Variants in SLC24A2 observed in about 807,000 individuals in gnomAD.
The protein encoded by SLC24A2 is sodium/potassium/calcium exchanger 2.
Under a neutral mutation model 62.0 loss-of-function variants are expected in SLC24A2, and 36 were observed. The observed-to-expected ratio is 0.58, with a 90% CI of 0.44 to 0.77. The LOEUF (loss-of-function observed/expected upper bound fraction) is 0.77, where lower values mean the gene tolerates loss of function less well. Among genes scored for constraint, SLC24A2 ranks in the 30% least tolerant of loss-of-function variants. The probability of loss-of-function intolerance (pLI) is 0.00; values close to 1 mark genes in which losing one functional copy is unlikely to be tolerated. For missense variants in SLC24A2, 846 were observed against 817.9 expected (o/e 1.03, Z -0.42); for synonymous variants, 358 against 294.0 (o/e 1.22, Z -2.23).
At chr9:19,529,958 G>C (rs1833622497) in intron 8 of SLC24A2, among the ~76,000 whole-genome samples, 1 of 151,804 alleles carries the variant, frequency 6.6e-6, no homozygotes, top group African/African-American at 2.4e-5. Flanking sequence ...TCACCATGTT[G>C]GCCAGGCTGG....
the SLC24A2 span, among the ~76,000 whole-genome samples, chr9:19,832,612 A>G: frequency 6.6e-6 from 1 of 152,208 alleles, no homozygotes; most frequent in Admixed American, 6.5e-5. Flanking sequence ...AAAGACTTAA[A>G]TGTTACACCT....
chr9:19,534,733 C>A (rs1586908402), intron 8 of SLC24A2, among the ~76,000 whole-genome samples: 3 of 152,138 alleles, frequency 2.0e-5, no homozygotes, highest in Non-Finnish European at 4.4e-5. Flanking sequence ...GTATATGTGG[C>A]ACATTTTCTT....
chr9:19,679,128 C>T (rs539466499), intron 2 of SLC24A2, among the ~76,000 whole-genome samples: 7 of 152,174 alleles, frequency 4.6e-5, no homozygotes, highest in African/African-American at 9.6e-5. Flanking sequence ...CCCTGTTATC[C>T]GAGTTTGCAT....
the SLC24A2 span, among the ~76,000 whole-genome samples, chr9:20,261,422 G>A: frequency 6.6e-6 from 1 of 152,172 alleles, no homozygotes; most frequent in Non-Finnish European, 1.5e-5. Context: ...CAGCAAGCAT[G>A]TGTAAAAAGA....
chr9:20,071,387 T>C, the SLC24A2 span, among the ~76,000 whole-genome samples: 92,576 of 151,952 alleles, frequency 0.61, 28,939 homozygotes, highest in East Asian at 0.93. Context: ...AACAATGCCT[T>C]ACTCTTCTCT....
chr9:19,927,322 G>C, the SLC24A2 span: 27 of 152,318 alleles, frequency 1.8e-4, no homozygotes, highest in Admixed American at 7.2e-4. Context: ...CGCCTGCCTA[G>C]GTTTACATCC....
At chr9:19,747,904 C>T (rs190262406) in intron 2 of SLC24A2, among the ~76,000 whole-genome samples, 13 of 152,242 alleles carry the variant, frequency 8.5e-5, no homozygotes. Context: ...TATGAGGAAA[C>T]TGAGGCACAA....
intron 2 of SLC24A2, among the ~76,000 whole-genome samples, chr9:19,769,264 T>A (rs528392283): frequency 1.4e-4 from 22 of 152,312 alleles, no homozygotes; most frequent in Middle Eastern, 3.4e-3. Context: ...TCAGCAAATG[T>A]CGTTAGCTCT....
At chr9:19,522,502 TA>T (rs1278334025) in intron 9 of SLC24A2, among the ~76,000 whole-genome samples, 2 of 152,194 alleles carry the variant, frequency 1.3e-5, no homozygotes, top group Admixed American at 6.5e-5. Context: ...AAATCCTTTT[TA>T]AAAAAATTCT....
chr9:20,205,916 T>C, the SLC24A2 span, among the ~76,000 whole-genome samples: 1 of 152,168 alleles, frequency 6.6e-6, no homozygotes, highest in African/African-American at 2.4e-5. Flanking sequence ...TAATGAATTA[T>C]CTGATTTTTA....
At chr9:19,763,053 T>C (rs1050704757) in intron 2 of SLC24A2, among the ~76,000 whole-genome samples, 1 of 152,156 alleles carries the variant, frequency 6.6e-6, no homozygotes, top group African/African-American at 2.4e-5. Context: ...GTAAGTTGTA[T>C]TCCTAGGTAT....
At chr9:20,299,750 T>C in the SLC24A2 span, among the ~76,000 whole-genome samples, 2 of 152,174 alleles carry the variant, frequency 1.3e-5, no homozygotes, top group African/African-American at 2.4e-5. Flanking sequence ...CAATTCTAAT[T>C]TTGGAGACAA....
At chr9:19,809,757 T>G in the SLC24A2 span, among the ~76,000 whole-genome samples, 3 of 152,260 alleles carry the variant, frequency 2.0e-5, no homozygotes, top group Non-Finnish European at 2.9e-5. Flanking sequence ...CGAACCGATC[T>G]GTGAGCCCTA....
Position 19,521,071 on chromosome 9 carries a change from G to A in SLC24A2, c.1570-11C>T. On this transcript the variant is annotated splice_polypyrimidine_tract_variant and intron_variant, in intron 9 of 10. Transcript: ENST00000341998. ...AATTGTCTCTCCAACCTAAATGTCA[G>A]GACAGGAATAAACATCTCAGTGTTT... The A allele has an allele frequency of 6.2e-7, 1 of 1,613,430 alleles. No individual in the cohort carries two copies. The highest frequency in any genetic ancestry group is 2.2e-5 in the East Asian group (1 of 44,846).
At chr9:20,307,180 AG>A in the SLC24A2 span, among the ~76,000 whole-genome samples, 1 of 152,236 alleles carries the variant, frequency 6.6e-6, no homozygotes, top group Non-Finnish European at 1.5e-5. Context: ...AACCATAAAA[AG>A]GTACACACAA....
chr9:19,794,216 G>C, the SLC24A2 span, among the ~76,000 whole-genome samples: 2 of 152,106 alleles, frequency 1.3e-5, no homozygotes, highest in South Asian at 4.1e-4. Flanking sequence ...TTTTACATTA[G>C]GAACGGGAAT....
chr9:20,169,628 C>G, the SLC24A2 span, among the ~76,000 whole-genome samples: 3 of 152,014 alleles, frequency 2.0e-5, no homozygotes, highest in East Asian at 5.9e-4. Flanking sequence ...CCTAGGAAAA[C>G]AGGGAGAGTA....
intron 7 of SLC24A2, among the ~76,000 whole-genome samples, chr9:19,555,861 C>G (rs1276495106): frequency 6.6e-6 from 1 of 152,160 alleles, no homozygotes; most frequent in Admixed American, 6.5e-5. Context: ...AGGAGAATCA[C>G]TTGAACCCGG....
the SLC24A2 span, among the ~76,000 whole-genome samples, chr9:20,212,638 G>A: frequency 6.6e-6 from 1 of 151,476 alleles, no homozygotes; most frequent in East Asian, 1.9e-4. Context: ...ATAACGCCAG[G>A]GATAAATAAG....
Sources: allele counts gnomAD v4.1 joint callset (sites outside exome capture counted in the v4.1 genomes callset), GRCh38; gene constraint gnomAD v4.1.1; transcripts MANE v1.5; gene names NCBI Gene and HGNC (gene_info 2026-07-23, HGNC 2026-07-21).